ARL3: variants seen among roughly 807,000 people sequenced by gnomAD.
ARL3 encodes the protein ARF like GTPase 3.
A neutral mutation model predicts 26.0 loss-of-function variants in ARL3; 9 were observed. The ratio of observed to expected loss-of-function variants is 0.35; its 90% CI spans 0.21 to 0.60. ARL3 has a LOEUF of 0.60. Ranked by LOEUF, ARL3 falls within the 20% of genes least tolerant of loss-of-function variation. The pLI, the probability that ARL3 is intolerant of heterozygous loss-of-function variation, is 0.78. For synonymous variants in ARL3, 71 were observed against 78.4 expected (o/e 0.91, Z 0.50); for missense variants, 158 against 215.7 (o/e 0.73, Z 1.67).
chr10:102,673,733 C>T lies in ARL3; in HGVS notation c.*3161G>A, dbSNP rs1242555369. 2.0e-5 allele frequency: 3 copies of T among 152,174 alleles called. No individual in the cohort carries two copies. The highest frequency in any genetic ancestry group is 7.2e-5 in the African/African-American group (3 of 41,436). The allele number at this position is 152,174 out of a possible 1,614,324, so 9.4% of individuals were successfully genotyped here. A position where few individuals can be genotyped will look rare whatever the true frequency, so the allele number is the denominator to read the frequency against. On this transcript the variant is annotated 3_prime_UTR_variant, in exon 6 of 6. Coordinates refer to ENST00000260746, the MANE Select transcript of ARL3 (RefSeq NM_004311.4). ...AACACAACACATTCCAGGCTGCCTT[C>T]GTTCCAGCTAAATTTTATTTGTCGG...
chr10:102,711,316 G>T (rs1030069284), intron 1 of ARL3, among the ~76,000 whole-genome samples: 1 of 130,798 alleles, frequency 7.6e-6, no homozygotes, highest in Non-Finnish European at 1.7e-5. Flanking sequence ...TTCAGCTTCT[G>T]TGTGTGTGTG....
intron 2 of ARL3, among the ~76,000 whole-genome samples, chr10:102,700,302 A>C (rs926485029): frequency 1.1e-4 from 16 of 150,470 alleles, no homozygotes; most frequent in African/African-American, 3.9e-4. Context: ...CCAGCTACTC[A>C]GGATGCCGAG....
rs141396419 is a variant in ARL3 at position 102,685,365 on chromosome 10, T to C, written c.501+451A>G. Among the ~76,000 whole-genome samples, 738 of 151,788 alleles carry C rather than the reference T, an allele frequency of 4.9e-3. 6 individuals are homozygous for C. The highest frequency in any genetic ancestry group is 0.017 in the African/African-American group (708 of 41,318). ...CTCCCAGTGGGAAACCAACCTGAAG[T>C]AGCAGGAAACAGACACCAACCCTAG... On this transcript the variant is annotated intron_variant, in intron 5 of 5. Transcript: ENST00000260746.
At chr10:102,686,071 C>CT (rs762594294) in intron 4 of ARL3, 70 bp from the exon 5 acceptor site, 83,359 of 869,890 alleles carry the variant, frequency 0.096, 9 homozygotes, top group Non-Finnish European at 0.1. Context: ...CCATACACTA[C>CT]TTTTTTTTTT....
At chr10:102,706,910 G>C (rs1377279494) in intron 1 of ARL3, among the ~76,000 whole-genome samples, 3 of 152,168 alleles carry the variant, frequency 2.0e-5, no homozygotes, top group East Asian at 3.9e-4. Context: ...GGCCTCCAGC[G>C]ATCAGCCCAC....
At chr10:102,683,447 T>C (rs2064166336) in intron 5 of ARL3, among the ~76,000 whole-genome samples, 1 of 152,232 alleles carries the variant, frequency 6.6e-6, no homozygotes, top group Non-Finnish European at 1.5e-5. Context: ...CATGGTACTA[T>C]CTACTAAACT....
chr10:102,676,136 CTTACATTCCAGATGTCA>C lies in ARL3; in HGVS notation c.*741_*757del, dbSNP rs2064129460. 2 of 132,062 alleles carry C rather than the reference CTTACATTCCAGATGTCA, an allele frequency of 1.5e-5. No homozygotes were observed. Among genetic ancestry groups the C allele is most frequent in the Admixed American group, 1.8e-4 (2 of 10,974 alleles). 8.2% of individuals were successfully genotyped at this position (132,062 alleles called of 1,614,324 possible). A position where few individuals can be genotyped will look rare whatever the true frequency, so the allele number is the denominator to read the frequency against. On this transcript the variant is annotated 3_prime_UTR_variant, in exon 6 of 6. Transcript: ENST00000260746. ...TCTGGAATTAAACCTCCCACCTCTC[CTTACATTCCAGATGTCA>C]TTACAGTCAAAAGTCATAAGAATTT...
chr10:102,693,296 T>C (rs2064229504), intron 3 of ARL3, among the ~76,000 whole-genome samples: 1 of 152,190 alleles, frequency 6.6e-6, no homozygotes, highest in South Asian at 2.1e-4. Flanking sequence ...TACTATTTTG[T>C]ATTTCCACCA....
rs190773835 is a variant in ARL3, at chr10:102,706,180, G to A, written c.4-691C>T. The stretch of plus-strand genomic sequence containing the variant: ...TAAAAAAGATTTTATCGCCGGGCAC[G>A]GTGGCTCACATCTGTAATCCCAGCA... On this transcript the variant is annotated intron_variant, in intron 1 of 5. Transcript: ENST00000260746. 3.3e-5 allele frequency among the ~76,000 whole-genome samples: 5 copies of A among 152,188 alleles called. No homozygotes were observed. The East Asian group carries it at 5.8e-4, about 18-fold the overall frequency.
chr10:102,711,502 G>C (rs201347341), intron 1 of ARL3, among the ~76,000 whole-genome samples: 27 of 151,500 alleles, frequency 1.8e-4, no homozygotes, highest in Admixed American at 4.6e-4. Context: ...CTGTAATCCC[G>C]GCACTTTGGG....
At chr10:102,698,719 C>T (rs147055929) in intron 3 of ARL3, among the ~76,000 whole-genome samples, 183 of 152,320 alleles carry the variant, frequency 1.2e-3, no homozygotes, top group Admixed American at 1.8e-3. Flanking sequence ...GCTAAAATCT[C>T]GGCCTCCACT....
intron 2 of ARL3, among the ~76,000 whole-genome samples, chr10:102,703,419 A>G (rs1346097143): frequency 1.3e-5 from 1 of 74,492 alleles, no homozygotes; most frequent in African/African-American, 4.8e-5. Context: ...GGTGCCCAGG[A>G]CTTGTCTTTT....
intron 1 of ARL3, among the ~76,000 whole-genome samples, chr10:102,706,489 A>G (rs1006797199): frequency 2.0e-5 from 3 of 152,050 alleles, no homozygotes; most frequent in Non-Finnish European, 2.9e-5. Flanking sequence ...CATCTTCAAG[A>G]CTTCTTCATT....
At position 102,685,722 on chromosome 10, in the gene ARL3, C is replaced by T. The variant is rs561537016; in HGVS notation, c.501+94G>A. On this transcript the variant is annotated intron_variant, in intron 5 of 5. Coordinates refer to ENST00000260746, the MANE Select transcript of ARL3 (RefSeq NM_004311.4). ...CCATGCCCTTCATATCTTGGAATGG[C>T]TCATCTGCCCATCAAGATCAGCCCA... The T allele has an allele frequency of 3.8e-6, 5 of 1,316,896 alleles. No individual in the cohort carries two copies. The Admixed American group carries it at 1.2e-4, about 32-fold the overall frequency. The allele number at this position is 1,316,896 out of a possible 1,614,324, so 81.6% of individuals were successfully genotyped here.
intron 1 of ARL3, among the ~76,000 whole-genome samples, chr10:102,710,034 A>G (rs2064330064): frequency 6.6e-6 from 1 of 152,084 alleles, no homozygotes; most frequent in African/African-American, 2.4e-5. Flanking sequence ...ACTGTTTCAA[A>G]AAAAAAAAAA....
chr10:102,680,003 G>A (rs997460339), intron 5 of ARL3, among the ~76,000 whole-genome samples: 11 of 152,156 alleles, frequency 7.2e-5, no homozygotes, highest in Non-Finnish European at 5.9e-5. Flanking sequence ...CCAGGCTGGA[G>A]TGCAGTGGCA....
Position 102,680,089 on chromosome 10 carries a change from G to A in ARL3, c.502-3148C>T, listed in dbSNP as rs909289505. 9.2e-5 allele frequency among the ~76,000 whole-genome samples: 14 copies of A among 152,070 alleles called. No individual in the cohort carries two copies. The East Asian group carries it at 9.7e-4, about 10-fold the overall frequency. ...CTCCCAAGTAGCTGGGACTACAGGC[G>A]CCCGCCACCATGCCCGACTAATATT... On this transcript the variant is annotated intron_variant, in intron 5 of 5. Transcript: ENST00000260746.
intron 3 of ARL3, among the ~76,000 whole-genome samples, chr10:102,690,903 T>C (rs1741438221): frequency 3.3e-5 from 5 of 151,418 alleles, no homozygotes; most frequent in Admixed American, 3.3e-4. Context: ...TTTTTTTTTT[T>C]TGAGATGGGG....
At chr10:102,687,123 C>G (rs1037348095) in intron 4 of ARL3, among the ~76,000 whole-genome samples, 2 of 151,524 alleles carry the variant, frequency 1.3e-5, no homozygotes, top group African/African-American at 4.8e-5. Flanking sequence ...TGATCCACCC[C>G]CCACCTTGGC....
Sources: allele counts gnomAD v4.1 joint callset (sites outside exome capture counted in the v4.1 genomes callset), GRCh38; gene constraint gnomAD v4.1.1; transcripts MANE v1.5; gene names NCBI Gene and HGNC (gene_info 2026-07-23, HGNC 2026-07-21).